Variants in CASKIN1 observed in about 807,000 individuals in gnomAD.
CASKIN1 encodes CASK interacting protein 1, also known as caskin-1.
A neutral mutation model predicts 117.5 loss-of-function variants in CASKIN1; 42 were observed. That is an observed-to-expected ratio of 0.36 (90% CI 0.28 to 0.46). The LOEUF (loss-of-function observed/expected upper bound fraction) is 0.46, where lower values mean the gene tolerates loss of function less well. Among genes scored for constraint, CASKIN1 ranks in the 20% least tolerant of loss-of-function variants. The pLI, the probability that CASKIN1 is intolerant of heterozygous loss-of-function variation, is 1.00. For synonymous variants in CASKIN1, 1,148 were observed against 961.7 expected, an observed-to-expected ratio of 1.19 and a Z score of -3.59; for missense variants, 2,083 against 2,077.3, an observed-to-expected ratio of 1.00 and a Z score of -0.05.
chr16:2,186,870 A>G, intron 9 of CASKIN1, 46 bp from the exon 10 acceptor site: 9 of 1,606,796 alleles, frequency 5.6e-6, no homozygotes, highest in Non-Finnish European at 6.8e-6. Flanking sequence ...CCCCTTTCGC[A>G]GAGTCTCCTG....
rs1405844368 is a variant in CASKIN1 at position 2,190,963 on chromosome 16, C to T, written c.95-605G>A. On this transcript the variant is annotated intron_variant, in intron 1 of 19. Transcript: ENST00000343516. ...CCTCACGCGAACGGCTGCCTGCTCC[C>T]TGGCGACTCGGAGCACCTGAGGCCA... Among the ~76,000 whole-genome samples the T allele has an allele frequency of 2.6e-5, 4 of 152,330 alleles. No individual in the cohort carries two copies. In the East Asian group the frequency reaches 7.7e-4, roughly 29 times the overall value.
chr16:2,196,380 G>T lies in CASKIN1; in HGVS notation c.53C>A (p.Thr18Asn). ...CGGCCTCTGCAGCAGCCTCTGCGCG[G>T]TCCCTACGTCCTCCGCCTTCACCGC... ...VQAVKAEDVG[T>N]AQRLLQRPRP... The change falls in exon 1 of 20, where the codon ACC (threonine) becomes AAC (asparagine). Residue 18 changes from threonine (T) to asparagine (N), a missense_variant. This residue lies in a region of CASKIN1 where 62 missense variants were observed against 49.7 expected (regional missense o/e 1.25). Coordinates refer to ENST00000343516, the MANE Select transcript of CASKIN1 (RefSeq NM_020764.4). This position sits in a 1 kb window ranked among gnomAD's most constrained non-coding sequence, Gnocchi z 5.7. The T allele has an allele frequency of 7.3e-7, 1 of 1,372,672 alleles. No individual in the cohort carries two copies. Among genetic ancestry groups the T allele is most frequent in the Non-Finnish European group, 9.5e-7 (1 of 1,050,306 alleles). The allele number at this position is 1,372,672 out of a possible 1,614,324, so 85.0% of individuals were successfully genotyped here.
Position 2,179,932 on chromosome 16 carries a change from C to T in CASKIN1, c.3436G>A (p.Asp1146Asn). ...GCCTTGGGCCTGCGCTTGACCGTGT[C>T]AGACTCGGTCAGGATGAACTTGACG... is the stretch of plus-strand genomic sequence containing the variant. The part of the protein sequence containing the change: ...ENVKFILTES[D>N]TVKRRPKAKE... The change falls in exon 18 of 20, where the codon GAC becomes AAC. Residue 1146 changes from aspartate to asparagine, a missense_variant. Physicochemically the swap from Asp to Asn is conservative, Grantham distance 23. Around this residue, in one of 3 missense-constraint regions of CASKIN1, gnomAD observed 1,818 missense variants for 1,688.9 expected, o/e 1.08. Coordinates refer to ENST00000343516, the MANE Select transcript of CASKIN1 (RefSeq NM_020764.4). This position sits in a 1 kb window ranked among gnomAD's most constrained non-coding sequence, Gnocchi z 5.8. The T allele has an allele frequency of 1.2e-6, 2 of 1,605,650 alleles. No homozygotes were observed. Among genetic ancestry groups the T allele is most frequent in the Non-Finnish European group, 1.7e-6 (2 of 1,176,676 alleles).
Position 2,181,210 on chromosome 16 carries a change from G to C in CASKIN1, c.2158C>G (p.Pro720Ala). ...AGGTACTCCTGGCTTCGAGACATGG[G>C]GCTGCTGGGCCCAGGGGGCCCATCT... ...LGDGPPGPSS[P>A]MSRSQEYLLD... The change falls in exon 18 of 20, where the codon CCC becomes GCC. Residue 720 changes from proline to alanine, a missense_variant. Physicochemically the swap from Pro to Ala is conservative, Grantham distance 27. Around this residue, in one of 3 missense-constraint regions of CASKIN1, gnomAD observed 1,818 missense variants for 1,688.9 expected, o/e 1.08. Coordinates refer to ENST00000343516, the MANE Select transcript of CASKIN1 (RefSeq NM_020764.4). 1 of 1,583,898 alleles carries C rather than the reference G, an allele frequency of 6.3e-7. No homozygotes were observed. The highest frequency in any genetic ancestry group is 8.5e-7 in the Non-Finnish European group (1 of 1,173,532).
intron 1 of CASKIN1, among the ~76,000 whole-genome samples, chr16:2,190,857 C>A (rs1018065642): frequency 1.3e-5 from 2 of 152,206 alleles, no homozygotes; most frequent in African/African-American, 4.8e-5. Context: ...CGTGCAGCAC[C>A]CCCACTGCCA....
Position 2,178,928 on chromosome 16 carries a change from G to T in CASKIN1, c.4173C>A (p.Ile1391=). 6.7e-7 allele frequency: 1 copy of T among 1,493,294 alleles called. No individual in the cohort carries two copies. The highest frequency in any genetic ancestry group is 1.3e-5 in the South Asian group (1 of 78,924). 92.5% of individuals were successfully genotyped at this position (1,493,294 alleles called of 1,614,324 possible). The part of the protein sequence containing the change: ...AAALQAVEEK[I]RQEDAQGPRD... ...GCGGGCCCTGCGCGTCCTCCTGCCG[G>T]ATCTTCTCCTCCACCGCCTGCAGCG... is the stretch of plus-strand genomic sequence containing the variant. The change falls in exon 19 of 20, where the codon ATC becomes ATA. Residue 1391 remains isoleucine (I), a synonymous_variant. Transcript: ENST00000343516.
At chr16:2,188,904 A>G (rs1002126307) in intron 6 of CASKIN1, 123 bp downstream of exon 6, 2 of 1,396,320 alleles carry the variant, frequency 1.4e-6, no homozygotes, top group Non-Finnish European at 1.9e-6. Flanking sequence ...AGGCCTGACC[A>G]GGGACCTGGG....
chr16:2,178,780 C>A (rs2093154457), intron 19 of CASKIN1, 122 bp downstream of exon 19: 3 of 1,336,004 alleles, frequency 2.2e-6, no homozygotes, highest in South Asian at 3.2e-5. Context: ...GAGCCCCGCT[C>A]ACGGCACGCC....
rs187741678 is a variant in CASKIN1 at position 2,181,842 on chromosome 16, T to C, written c.1717A>G (p.Ile573Val). 3.1e-6 allele frequency: 5 copies of C among 1,613,690 alleles called. No individual in the cohort carries two copies. In the East Asian group the frequency reaches 6.7e-5, roughly 22 times the overall value. The change falls in exon 17 of 20, where the codon ATC (isoleucine) becomes GTC (valine). Residue 573 changes from isoleucine to valine, a missense_variant. Ile to Val is a conservative substitution (Grantham distance 29). This residue lies in a region of CASKIN1 where 1,818 missense variants were observed against 1,688.9 expected (regional missense o/e 1.08). Coordinates refer to ENST00000343516, the MANE Select transcript of CASKIN1 (RefSeq NM_020764.4). ...AGGTCCTCCCAGGTGATGTCGGTGA[T>C]GAAATCAATGTTCTCGTAGCCATTG... is the stretch of plus-strand genomic sequence containing the variant. ...VDNGYENIDF[I>V]TDITWEDLQE...
Position 2,178,381 on chromosome 16 carries a change from G to A in CASKIN1, c.*169C>T, listed in dbSNP as rs978390004. On this transcript the variant is annotated 3_prime_UTR_variant, in exon 20 of 20. Coordinates refer to ENST00000343516, the MANE Select transcript of CASKIN1 (RefSeq NM_020764.4). ...TCTGCCTAGAGCCCTTGGAGCCCCC[G>A]GCCAGGCGGTCCCCGGTGGGCGCCC... is the stretch of plus-strand genomic sequence containing the variant. The A allele has an allele frequency of 3.0e-5, 14 of 470,922 alleles. No homozygotes were observed. The highest frequency in any genetic ancestry group is 4.5e-5 in the Admixed American group (1 of 22,454). 29.2% of individuals were successfully genotyped at this position (470,922 alleles called of 1,614,324 possible).
chr16:2,178,422 G>T lies in CASKIN1; in HGVS notation c.*128C>A. 1.5e-6 allele frequency: 1 copy of T among 651,554 alleles called. No individual in the cohort carries two copies. Among genetic ancestry groups the T allele is most frequent in the Non-Finnish European group, 2.3e-6 (1 of 425,626 alleles). The allele number at this position is 651,554 out of a possible 1,614,324, so 40.4% of individuals were successfully genotyped here. ...GTGGGCGCCCCGGCCCGGGTCCAGGGGCCGGAGTTGTGCTTCTGCAGGGCC... is the reference window on the plus strand; with the variant it reads ...GTGGGCGCCCCGGCCCGGGTCCAGGTGCCGGAGTTGTGCTTCTGCAGGGCC... On this transcript the variant is annotated 3_prime_UTR_variant, in exon 20 of 20. Coordinates refer to ENST00000343516, the MANE Select transcript of CASKIN1 (RefSeq NM_020764.4).
At position 2,189,178 on chromosome 16, in the gene CASKIN1, AG is replaced by A. The variant is rs772354854; in HGVS notation, c.487-22del. On this transcript the variant is annotated intron_variant, in intron 5 of 19. Coordinates refer to ENST00000343516, the MANE Select transcript of CASKIN1 (RefSeq NM_020764.4). The stretch of plus-strand genomic sequence containing the variant: ...ACCACCTTGAAGGAGGGGTCAGGGT[AG>A]GGGGGTCCTGATGTGGGGCTCCCCA... 2.2e-5 allele frequency: 36 copies of A among 1,612,326 alleles called. No homozygotes were observed. In the African/African-American group the frequency reaches 4.1e-4, roughly 19 times the overall value.
chr16:2,181,464 G>A lies in CASKIN1; in HGVS notation c.1904C>T (p.Pro635Leu), dbSNP rs772374918. The change falls in exon 18 of 20, where the codon CCC (proline) becomes CTC (leucine). Residue 635 changes from proline to leucine, a missense_variant. Around this residue, in one of 3 missense-constraint regions of CASKIN1, gnomAD observed 1,818 missense variants for 1,688.9 expected, o/e 1.08. Transcript: ENST00000343516. Reference sequence around the variant, plus strand: ...GTCGGCCGGTGTGGGCTCAGGCGGGGGCGGCGACTCGATGGCCATCACTTC... The same window carrying A: ...GTCGGCCGGTGTGGGCTCAGGCGGGAGCGGCGACTCGATGGCCATCACTTC... ...SLEVMAIESPPPPEPTPADCQ... is the reference protein window; with the variant it reads ...SLEVMAIESPLPPEPTPADCQ... 8.7e-6 allele frequency: 14 copies of A among 1,611,920 alleles called. No individual in the cohort carries two copies. Among genetic ancestry groups the A allele is most frequent in the Admixed American group, 1.7e-5 (1 of 59,960 alleles).
intron 14 of CASKIN1, among the ~76,000 whole-genome samples, 159 bp downstream of exon 14, chr16:2,184,618 C>G (rs1052711413): frequency 3.3e-5 from 5 of 152,214 alleles, no homozygotes; most frequent in African/African-American, 7.2e-5. Flanking sequence ...CAGACACACA[C>G]ACAACACACA....
chr16:2,180,242 G>T lies in CASKIN1; in HGVS notation c.3126C>A (p.Thr1042=). Residue 1042 remains threonine, a synonymous_variant, in exon 18 of 20, where the codon ACC becomes ACA. Coordinates refer to ENST00000343516, the MANE Select transcript of CASKIN1 (RefSeq NM_020764.4). ...CTTTGTGTTTCACTGAGGCCAGCAC[G>T]GTGGCCACCCGGCCCGGCTCTGGGC... ...PASPEPGRVA[T]VLASVKHKEA... 2 of 1,553,642 alleles carry T rather than the reference G, an allele frequency of 1.3e-6. No homozygotes were observed. The highest frequency in any genetic ancestry group is 1.7e-6 in the Non-Finnish European group (2 of 1,149,794).
Position 2,180,264 on chromosome 16 carries a change from G to A in CASKIN1, c.3104C>T (p.Pro1035Leu). 3 of 1,560,424 alleles carry A rather than the reference G, an allele frequency of 1.9e-6. No homozygotes were observed. In the South Asian group the frequency reaches 3.5e-5, roughly 18 times the overall value. ...EGHPTPRPAS[P>L]EPGRVATVLA... ...CACGGTGGCCACCCGGCCCGGCTCT[G>A]GGCTGGCAGGGCGGGGAGTGGGGTG... is the stretch of plus-strand genomic sequence containing the variant. The change falls in exon 18 of 20, where the codon CCA becomes CTA. Residue 1035 changes from proline to leucine, a missense_variant. Around this residue, in one of 3 missense-constraint regions of CASKIN1, gnomAD observed 1,818 missense variants for 1,688.9 expected, o/e 1.08. Transcript: ENST00000343516.
At chr16:2,195,535 C>CG (rs2093213274) in intron 1 of CASKIN1, among the ~76,000 whole-genome samples, 1 of 152,232 alleles carries the variant, frequency 6.6e-6, no homozygotes, top group African/African-American at 2.4e-5. Flanking sequence ...GGAGGCTACG[C>CG]GCTGAGCCAG....
intron 1 of CASKIN1, among the ~76,000 whole-genome samples, chr16:2,193,567 C>T (rs543258468): frequency 1.3e-5 from 2 of 152,338 alleles, no homozygotes; most frequent in East Asian, 3.9e-4. Context: ...GCCCTGTCCT[C>T]CCTCCCACAG....
Position 2,179,984 on chromosome 16 carries a change from G to C in CASKIN1, c.3384C>G (p.Ile1128Met), listed in dbSNP as rs202056891. ...TCTCCTGCTGGTTCTGCTTGGCCCGGATGCGCCTCTTGAGTGTGGCGCTGG... is the reference window on the plus strand; with the variant it reads ...TCTCCTGCTGGTTCTGCTTGGCCCGCATGCGCCTCTTGAGTGTGGCGCTGG... ...VEASATLKRRIRAKQNQQENV... is the reference protein window; with the variant it reads ...VEASATLKRRMRAKQNQQENV... Residue 1128 changes from isoleucine (I) to methionine (M), a missense_variant, in exon 18 of 20, where the codon ATC becomes ATG. This residue lies in a region of CASKIN1 where 1,818 missense variants were observed against 1,688.9 expected (regional missense o/e 1.08). Coordinates refer to ENST00000343516, the MANE Select transcript of CASKIN1 (RefSeq NM_020764.4). The surrounding 1 kb of genome is among the most constrained non-coding windows in gnomAD (Gnocchi z 5.8). 3.1e-6 allele frequency: 5 copies of C among 1,605,876 alleles called. No individual in the cohort carries two copies. In the African/African-American group the frequency reaches 6.7e-5, roughly 21 times the overall value.
Sources: gnomAD v4.1 joint callset for allele counts (sites outside exome capture counted in the v4.1 genomes callset) on GRCh38, gnomAD v4.1.1 for gene constraint, gnomAD v4.1.1 regional missense constraint, Gnocchi (gnomAD v3.1) non-coding constraint, MANE v1.5 for transcripts, NCBI Gene and HGNC (gene_info 2026-07-23, HGNC 2026-07-21) for gene names.